The following SPOCD1 variants were observed in gnomAD, a reference collection of about 807,000 sequenced individuals.
The protein encoded by SPOCD1 is SPOC domain-containing protein 1.
Under a neutral mutation model 92.2 loss-of-function variants are expected in SPOCD1, and 64 were observed. The observed-to-expected ratio is 0.69, with a 90% CI of 0.57 to 0.86. SPOCD1 has a LOEUF of 0.86. Among genes scored for constraint, SPOCD1 ranks in the 40% least tolerant of loss-of-function variants. SPOCD1 has a pLI of 0.00. For missense variants in SPOCD1, 1,360 were observed against 1,543.1 expected (o/e 0.88, Z 1.99); for synonymous variants, 578 against 619.3 (o/e 0.93, Z 0.99).
chr1:31,793,708 C>T, intron 12 of SPOCD1, 39 bp downstream of exon 12: 3 of 1,612,924 alleles, frequency 1.9e-6, no homozygotes, highest in Non-Finnish European at 2.5e-6. Flanking sequence ...CCCCCTCAAC[C>T]CTGCTGGGTT....
chr1:31,798,557 T>TCCA lies in SPOCD1; in HGVS notation c.1910_1912dup (p.Val637dup). On this transcript the variant is annotated inframe_insertion, in exon 8 of 16. Transcript: ENST00000360482. This position sits in a 1 kb window ranked among gnomAD's most constrained non-coding sequence, Gnocchi z 4.1. ...TGCCTCAATGCCAGCAGCAATGCCC[T>TCCA]CCACCACCTCCTCACTCAGCACTGG... 1.2e-6 allele frequency: 2 copies of TCCA among 1,613,652 alleles called. No homozygotes were observed. The highest frequency in any genetic ancestry group is 1.7e-6 in the Non-Finnish European group (2 of 1,179,966).
At chr1:31,802,326 A>G (rs1648524302) in intron 2 of SPOCD1, among the ~76,000 whole-genome samples, 1 of 152,242 alleles carries the variant, frequency 6.6e-6, no homozygotes, top group South Asian at 2.1e-4. Flanking sequence ...CATTCATGCT[A>G]TTAAGGTCTC....
In SPOCD1 at chr1:31,800,093, G is replaced by A. The variant is rs1282633878; in HGVS notation, c.1651C>T (p.Leu551Phe). The part of the protein sequence containing the change: ...SGGTAGDPGG[L>F]SDPFYPPRSG... ...CTTGGAGGGTAGAAGGGGTCAGAGA[G>A]GCCACCAGGGTCCCCTGCTGTGCCT... Residue 551 changes from leucine to phenylalanine, a missense_variant, in exon 5 of 16, where the codon CTC becomes TTC. Physicochemically the swap from Leu to Phe is conservative, Grantham distance 22. Transcript: ENST00000360482. 3.7e-6 allele frequency: 6 copies of A among 1,606,008 alleles called. No individual in the cohort carries two copies. The highest frequency in any genetic ancestry group is 5.1e-6 in the Non-Finnish European group (6 of 1,177,704).
intron 2 of SPOCD1, among the ~76,000 whole-genome samples, chr1:31,807,693 A>G (rs1252041326): frequency 1.3e-5 from 2 of 152,018 alleles, no homozygotes; most frequent in African/African-American, 4.8e-5. Context: ...CAACAAACAT[A>G]TAGTGGAGAG....
chr1:31,806,179 TCTAA>T (rs1430783880), intron 2 of SPOCD1, among the ~76,000 whole-genome samples: 22 of 151,464 alleles, frequency 1.5e-4, no homozygotes, highest in Admixed American at 1.2e-3. Flanking sequence ...CATATATCTC[TCTAA>T]CTATTGATAA....
rs1349502336 is a variant in SPOCD1 at position 31,794,158 on chromosome 1, G to C, written c.2349C>G (p.His783Gln). The C allele has an allele frequency of 6.2e-7, 1 of 1,613,972 alleles. No individual in the cohort carries two copies. The highest frequency in any genetic ancestry group is 1.7e-5 in the Admixed American group (1 of 59,994). The change falls in exon 11 of 16, where the codon CAC (histidine) becomes CAG (glutamine). Residue 783 changes from histidine (H) to glutamine (Q), a missense_variant. This residue lies in a region of SPOCD1 where 614 missense variants were observed against 757.8 expected (regional missense o/e 0.81). Transcript: ENST00000360482. ...TGTGGCAGTTGGGGTCTAAGAAGTG[G>C]TGGTCATGCTGCCCCGTGGTGTCCT... ...ASEDTTGQHDHHFLDPNCHIC... is the reference protein window; with the variant it reads ...ASEDTTGQHDQHFLDPNCHIC...
In SPOCD1 at chr1:31,792,689, C is replaced by T; in HGVS notation, c.2764G>A (p.Ala922Thr). 6.2e-7 allele frequency: 1 copy of T among 1,601,524 alleles called. No individual in the cohort carries two copies. Among genetic ancestry groups the T allele is most frequent in the Admixed American group, 1.7e-5 (1 of 58,394 alleles). Reference sequence around the variant, plus strand: ...GAGTGGGCAGGTACCTTGGCCTTGGCTGGGCAGATGCTGGCCAGAAGGTCC... The same window carrying T: ...GAGTGGGCAGGTACCTTGGCCTTGGTTGGGCAGATGCTGGCCAGAAGGTCC... ...VWDLLASICP[A>T]KAKDVCVVRL... Residue 922 changes from alanine (A) to threonine (T), a missense_variant, in exon 14 of 16, where the codon GCC (alanine) becomes ACC (threonine). Physicochemically the swap from Ala to Thr is moderately conservative, Grantham distance 58. This residue lies in a region of SPOCD1 where 614 missense variants were observed against 757.8 expected (regional missense o/e 0.81). Coordinates refer to ENST00000360482, the MANE Select transcript of SPOCD1 (RefSeq NM_144569.7).
In SPOCD1 at chr1:31,798,130, C is replaced by T; in HGVS notation, c.2145+77G>A. ...CTCCTCCCTCCCTCCCTGTCTCTGT[C>T]TCTCCCTCTTCCACTCTCAGGCCAC... On this transcript the variant is annotated intron_variant, in intron 9 of 15. Transcript: ENST00000360482. This position sits in a 1 kb window ranked among gnomAD's most constrained non-coding sequence, Gnocchi z 4.1. The T allele has an allele frequency of 9.4e-7, 1 of 1,065,424 alleles. No individual in the cohort carries two copies. Among genetic ancestry groups the T allele is most frequent in the Non-Finnish European group, 1.5e-6 (1 of 682,786 alleles). The allele number at this position is 1,065,424 out of a possible 1,614,324, so 66.0% of individuals were successfully genotyped here.
chr1:31,790,656 A>T lies in SPOCD1; in HGVS notation c.3598T>A (p.Leu1200Met). Residue 1200 changes from leucine (L) to methionine (M), a missense_variant, in exon 16 of 16, where the codon TTG becomes ATG. By Grantham distance (15) the Leu-to-Met change is conservative. Around this residue, in one of 3 missense-constraint regions of SPOCD1, gnomAD observed 614 missense variants for 757.8 expected, o/e 0.81. Transcript: ENST00000360482. ...EPPGPARDSS[L>M]GPTDEAGSEC... Reference sequence around the variant, plus strand: ...GAGCCAGCTTCATCTGTAGGCCCCAAAGAGGAGTCACGGGCTGGGCCAGGG... The same window carrying T: ...GAGCCAGCTTCATCTGTAGGCCCCATAGAGGAGTCACGGGCTGGGCCAGGG... The T allele has an allele frequency of 6.4e-7, 1 of 1,551,936 alleles. No homozygotes were observed. Among genetic ancestry groups the T allele is most frequent in the Non-Finnish European group, 8.7e-7 (1 of 1,147,084 alleles).
Position 31,808,287 on chromosome 1 carries a change from T to C in SPOCD1, c.1383+5664A>G, listed in dbSNP as rs1482570698. Among the ~76,000 whole-genome samples, 4 of 151,760 alleles carry C rather than the reference T, an allele frequency of 2.6e-5. No homozygotes were observed. The East Asian group carries it at 5.8e-4, about 22-fold the overall frequency. On this transcript the variant is annotated intron_variant, in intron 2 of 15. Coordinates refer to ENST00000360482, the MANE Select transcript of SPOCD1 (RefSeq NM_144569.7). ...ACGAAAAAGATATAGCATTACCAAA[T>C]TGGGTTTGTTCCAGCAAGGCAAGAA...
intron 2 of SPOCD1, among the ~76,000 whole-genome samples, chr1:31,808,441 CTG>C (rs1235226355): frequency 6.6e-6 from 1 of 150,464 alleles, no homozygotes; most frequent in Non-Finnish European, 1.5e-5. Context: ...ATTAAATGCA[CTG>C]TGCAATAATA....
intron 2 of SPOCD1, among the ~76,000 whole-genome samples, chr1:31,812,180 C>T (rs1051561572): frequency 5.3e-5 from 8 of 152,236 alleles, no homozygotes; most frequent in African/African-American, 1.9e-4. Flanking sequence ...TTCATACCCA[C>T]ATTTTGCAGA....
intron 2 of SPOCD1, among the ~76,000 whole-genome samples, chr1:31,807,832 G>A (rs1006040675): frequency 2.0e-5 from 3 of 152,100 alleles, no homozygotes; most frequent in African/African-American, 7.2e-5. Context: ...AGTCCTTAAA[G>A]ATAAGAGGCT....
intron 2 of SPOCD1, among the ~76,000 whole-genome samples, chr1:31,810,908 C>T (rs1232177894): frequency 6.6e-6 from 1 of 152,184 alleles, no homozygotes; most frequent in African/African-American, 2.4e-5. Context: ...GGGTCACTGG[C>T]AGAGTTGCCC....
In SPOCD1 at chr1:31,800,569, G is replaced by A. The variant is rs1648388338; in HGVS notation, c.1474C>T (p.Gln492Ter). ...TTTGGTGGCAGCTGCCCCCCTGCCT[G>A]GCCGTGGCTGATGGCCCCCAGGAGC... ...IQLLGAISHG[Q>*]AGGQLPPKLE... Residue 492 changes from glutamine to a stop codon, truncating the protein, a stop_gained, in exon 4 of 16, where the codon CAG (glutamine) becomes TAG (stop). Coordinates refer to ENST00000360482, the MANE Select transcript of SPOCD1 (RefSeq NM_144569.7). LOFTEE classifies it high-confidence loss of function. 6.2e-7 allele frequency: 1 copy of A among 1,610,454 alleles called. No individual in the cohort carries two copies. The highest frequency in any genetic ancestry group is 8.5e-7 in the Non-Finnish European group (1 of 1,178,654).
intron 1 of SPOCD1, chr1:31,815,611 C>T (rs1431107997): frequency 2.8e-6 from 1 of 361,924 alleles, no homozygotes; most frequent in Non-Finnish European, 4.9e-6. Flanking sequence ...GTCTTCTTGT[C>T]TCTGAGAGTT....
chr1:31,807,795 A>C lies in SPOCD1; in HGVS notation c.1384-6090T>G, dbSNP rs566186384. Reference sequence around the variant, plus strand: ...AAGAGAGGAGGTATAACTAGCTAAAATTTGGAATGTATAATTACAAGTGCG... The same window carrying C: ...AAGAGAGGAGGTATAACTAGCTAAACTTTGGAATGTATAATTACAAGTGCG... On this transcript the variant is annotated intron_variant, in intron 2 of 15. Coordinates refer to ENST00000360482, the MANE Select transcript of SPOCD1 (RefSeq NM_144569.7). 1.4e-4 allele frequency among the ~76,000 whole-genome samples: 21 copies of C among 152,244 alleles called. No individual in the cohort carries two copies. In the East Asian group the frequency reaches 4.1e-3, roughly 30 times the overall value.
chr1:31,799,993 A>G (rs997377571), intron 5 of SPOCD1, 23 bp downstream of exon 5: 2 of 1,611,320 alleles, frequency 1.2e-6, no homozygotes, highest in African/African-American at 1.3e-5. Flanking sequence ...AAGGAGGCAC[A>G]TGGCCGGGGC....
At position 31,798,713 on chromosome 1, in the gene SPOCD1, T is replaced by C; in HGVS notation, c.1869-112A>G. 8.3e-7 allele frequency: 1 copy of C among 1,202,238 alleles called. No individual in the cohort carries two copies. Among genetic ancestry groups the C allele is most frequent in the Non-Finnish European group, 1.2e-6 (1 of 865,422 alleles). The allele number at this position is 1,202,238 out of a possible 1,614,324, so 74.5% of individuals were successfully genotyped here. On this transcript the variant is annotated intron_variant, in intron 7 of 15. Coordinates refer to ENST00000360482, the MANE Select transcript of SPOCD1 (RefSeq NM_144569.7). This position sits in a 1 kb window ranked among gnomAD's most constrained non-coding sequence, Gnocchi z 4.1. Reference sequence around the variant, plus strand: ...CAGGGTCTGGGCCAACTTGTTCCTGTCGTGGGTGTTTCCCTGCAGGAACCT... The same window carrying C: ...CAGGGTCTGGGCCAACTTGTTCCTGCCGTGGGTGTTTCCCTGCAGGAACCT...
Sources: gnomAD v4.1 joint callset for allele counts (sites outside exome capture counted in the v4.1 genomes callset) on GRCh38, gnomAD v4.1.1 for gene constraint, gnomAD v4.1.1 regional missense constraint, Gnocchi (gnomAD v3.1) non-coding constraint, MANE v1.5 for transcripts, NCBI Gene and HGNC (gene_info 2026-07-23, HGNC 2026-07-21) for gene names.